Variants in PTPN4 observed in about 807,000 individuals in gnomAD.
PTPN4 encodes protein tyrosine phosphatase non-receptor type 4.
Under a neutral mutation model 135.5 loss-of-function variants are expected in PTPN4, and 49 were observed. The ratio of observed to expected loss-of-function variants is 0.36; its 90% confidence interval spans 0.29 to 0.46. PTPN4 has a LOEUF of 0.46. Ranked by LOEUF, PTPN4 falls within the 20% of genes least tolerant of loss-of-function variation. The probability of loss-of-function intolerance (pLI) is 1.00; values close to 1 mark genes in which losing one functional copy is unlikely to be tolerated. For synonymous variants in PTPN4, 333 were observed against 369.9 expected (o/e 0.90, Z 1.14); for missense variants, 860 against 1,101.0 (o/e 0.78, Z 3.10).
chr2:119,964,509 G>T lies in PTPN4; in HGVS notation c.2410-988G>T, dbSNP rs1018264138. Among the ~76,000 whole-genome samples, 46 of 152,146 alleles carry T rather than the reference G, an allele frequency of 3.0e-4. 1 individual carries two copies. Among genetic ancestry groups the T allele is most frequent in the Non-Finnish European group, 5.4e-4 (37 of 68,014 alleles). ...ATTTCCATAATTTCATCTGCATTGT[G>T]TGAGGATTAGGTCAGCTTTGTTCAC... On this transcript the variant is annotated intron_variant, in intron 24 of 26. Transcript: ENST00000263708.
At chr2:119,791,309 T>C (rs1053810022) in intron 1 of PTPN4, 5 of 152,150 alleles carry the variant, frequency 3.3e-5, no homozygotes, top group African/African-American at 1.2e-4. Context: ...TTTGTATTTT[T>C]AGTAGAGATG....
rs1574429864 is a variant in PTPN4, at chr2:119,977,147, G to A, written c.*77G>A. 9 of 1,382,260 alleles carry A rather than the reference G, an allele frequency of 6.5e-6. No individual in the cohort carries two copies. The highest frequency in any genetic ancestry group is 1.9e-5 in the South Asian group (1 of 51,744). The allele number at this position is 1,382,260 out of a possible 1,614,324, so 85.6% of individuals were successfully genotyped here. A position where few individuals can be genotyped will look rare whatever the true frequency, so the allele number is the denominator to read the frequency against. On this transcript the variant is annotated 3_prime_UTR_variant, in exon 27 of 27. Transcript: ENST00000263708. ...CACTGTGCCATAATGCTGCTCGCAG[G>A]AAATGGCATTTTACAAAAAAAAAAT...
intron 2 of PTPN4, among the ~76,000 whole-genome samples, chr2:119,816,282 C>T (rs759757357): frequency 2.6e-5 from 4 of 152,068 alleles, no homozygotes; most frequent in African/African-American, 4.8e-5. Context: ...TTAGGCACAG[C>T]GGTAGGCACT....
chr2:119,901,409 G>A (rs1678401258), intron 10 of PTPN4, among the ~76,000 whole-genome samples: 1 of 152,202 alleles, frequency 6.6e-6, no homozygotes, highest in African/African-American at 2.4e-5. Flanking sequence ...CCTGAAGACA[G>A]CAAGGATGTG....
At chr2:119,797,799 G>A (rs887740942) in intron 1 of PTPN4, among the ~76,000 whole-genome samples, 1 of 152,082 alleles carries the variant, frequency 6.6e-6, no homozygotes, top group Non-Finnish European at 1.5e-5. Context: ...TTATATTAAC[G>A]TTAACAGAAT....
intron 10 of PTPN4, among the ~76,000 whole-genome samples, chr2:119,906,521 T>A (rs1394746294): frequency 6.6e-6 from 1 of 152,214 alleles, no homozygotes. Context: ...CAAATATCAG[T>A]AAGTGAAATA....
chr2:119,889,016 G>C (rs1678199890), intron 9 of PTPN4, among the ~76,000 whole-genome samples: 1 of 152,030 alleles, frequency 6.6e-6, no homozygotes, highest in Non-Finnish European at 1.5e-5. Flanking sequence ...ACACATTATT[G>C]GTCTCTTCAG....
intron 3 of PTPN4, among the ~76,000 whole-genome samples, chr2:119,862,965 T>A (rs1366142740): frequency 6.6e-6 from 1 of 152,132 alleles, no homozygotes; most frequent in Non-Finnish European, 1.5e-5. Context: ...TACCTTCAGA[T>A]GTATATAAAT....
At chr2:119,928,090 A>T (rs941335688) in intron 13 of PTPN4, among the ~76,000 whole-genome samples, 7 of 152,160 alleles carry the variant, frequency 4.6e-5, no homozygotes, top group African/African-American at 1.7e-4. Flanking sequence ...AGACATTTTT[A>T]TATATGTGTG....
chr2:119,962,651 C>T lies in PTPN4; in HGVS notation c.2316C>T (p.Gly772=), dbSNP rs1201379201. 3.2e-6 allele frequency: 5 copies of T among 1,579,350 alleles called. No homozygotes were observed. The highest frequency in any genetic ancestry group is 3.4e-5 in the Admixed American group (2 of 58,552). Residue 772 remains glycine, a synonymous_variant, in exon 24 of 27, where the codon GGC becomes GGT. Transcript: ENST00000263708. ...KCHQYWPEPT[G]SSSYGCYQVT... ...ACCAATATTGGCCAGAACCCACAGG[C>T]AGTTCATCTTATGGATGCTACCAAG...
intron 2 of PTPN4, among the ~76,000 whole-genome samples, chr2:119,842,085 C>A (rs377216836): frequency 2.6e-5 from 4 of 152,150 alleles, no homozygotes; most frequent in South Asian, 4.1e-4. Flanking sequence ...TTATTCCTCA[C>A]GTAGATTTTA....
In PTPN4 at chr2:119,914,248, A is replaced by ATTTTTTTTTTTTTTTTT. The variant is rs55911315; in HGVS notation, c.765-919_765-903dup. On this transcript the variant is annotated intron_variant, in intron 10 of 26. Coordinates refer to ENST00000263708, the MANE Select transcript of PTPN4 (RefSeq NM_002830.4). ...CATAAATACAGTCAATAGTTACTCA[A>ATTTTTTTTTTTTTTTTT]TTTTTTTTTTTTTTTTTTTTTTTTT... Among the ~76,000 whole-genome samples the ATTTTTTTTTTTTTTTTT allele has an allele frequency of 3.7e-4, 36 of 97,428 alleles. 2 individuals carry two copies. The highest frequency in any genetic ancestry group is 1.8e-3 in the African/African-American group (31 of 17,068). 63.9% of individuals were successfully genotyped at this position (97,428 alleles called of 152,430 possible). A position where few individuals can be genotyped will look rare whatever the true frequency, so the allele number is the denominator to read the frequency against.
At chr2:119,926,127 C>G (rs748215492) in intron 12 of PTPN4, among the ~76,000 whole-genome samples, 1 of 152,096 alleles carries the variant, frequency 6.6e-6, no homozygotes, top group Non-Finnish European at 1.5e-5. Context: ...TGATATACCG[C>G]AAATTTATGT....
At chr2:119,853,427 A>T (rs1359337675) in intron 2 of PTPN4, among the ~76,000 whole-genome samples, 1 of 151,914 alleles carries the variant, frequency 6.6e-6, no homozygotes, top group Non-Finnish European at 1.5e-5. Context: ...TGTCTTTGAG[A>T]GTAGTGTCTT....
intron 24 of PTPN4, among the ~76,000 whole-genome samples, chr2:119,964,209 A>C (rs928839060): frequency 6.6e-6 from 1 of 152,220 alleles, no homozygotes; most frequent in Non-Finnish European, 1.5e-5. Context: ...GGTGATTTAC[A>C]GGTCCTCTCA....
At chr2:119,787,593 C>T (rs1277333821) in intron 1 of PTPN4, among the ~76,000 whole-genome samples, 1 of 152,058 alleles carries the variant, frequency 6.6e-6, no homozygotes, top group Admixed American at 6.6e-5. Flanking sequence ...TACTGTAGTA[C>T]CTGGAACAGA....
intron 13 of PTPN4, among the ~76,000 whole-genome samples, chr2:119,929,797 T>C (rs547801069): frequency 6.6e-6 from 1 of 152,264 alleles, no homozygotes; most frequent in African/African-American, 2.4e-5. Flanking sequence ...TTTAGTCCAT[T>C]AACAGCAATA....
intron 1 of PTPN4, among the ~76,000 whole-genome samples, chr2:119,797,420 C>T (rs1691281823): frequency 6.6e-6 from 1 of 152,116 alleles, no homozygotes; most frequent in South Asian, 2.1e-4. Flanking sequence ...CTATGGTGAC[C>T]ATCTTTTTCA....
At chr2:119,844,356 C>G (rs1272430845) in intron 2 of PTPN4, among the ~76,000 whole-genome samples, 1 of 147,654 alleles carries the variant, frequency 6.8e-6, no homozygotes, top group Non-Finnish European at 1.5e-5. Context: ...CTGACCCCCC[C>G]CCCCCACCTC....
Sources: gnomAD v4.1 joint callset for allele counts (sites outside exome capture counted in the v4.1 genomes callset) on GRCh38, gnomAD v4.1.1 for gene constraint, MANE v1.5 for transcripts, NCBI Gene and HGNC (gene_info 2026-07-23, HGNC 2026-07-21) for gene names.